Variants in CPNE5 observed in about 807,000 individuals in gnomAD.
CPNE5 encodes the protein copine-5.
CPNE5 carries 42 observed loss-of-function variants against 81.1 expected under a neutral mutation model. The observed-to-expected ratio is 0.52, with a 90% CI of 0.40 to 0.67. The LOEUF (loss-of-function observed/expected upper bound fraction) is 0.67. Among genes scored for constraint, CPNE5 ranks in the 30% least tolerant of loss-of-function variants. The pLI is 0.00. For synonymous variants in CPNE5, 313 were observed against 321.5 expected (o/e 0.97, Z 0.28); for missense variants, 612 against 815.5 (o/e 0.75, Z 3.04).
intron 15 of CPNE5, among the ~76,000 whole-genome samples, chr6:36,747,266 C>G (rs79179956): frequency 0.15 from 22,546 of 151,956 alleles, 1,867 homozygotes; most frequent in Middle Eastern, 0.22. Context: ...CCCCCAGAGC[C>G]CTCTTCGCTG....
intron 1 of CPNE5, among the ~76,000 whole-genome samples, chr6:36,834,206 C>T (rs1773214352): frequency 1.5e-5 from 2 of 129,044 alleles, no homozygotes; most frequent in South Asian, 2.6e-4. Context: ...CTGCATTGAG[C>T]TGTGACTCTA....
chr6:36,757,205 T>G, intron 12 of CPNE5: 1 of 451,248 alleles, frequency 2.2e-6, no homozygotes, highest in Non-Finnish European at 2.9e-6. Flanking sequence ...CAGTTTTTCT[T>G]TGTTTTGTTT....
chr6:36,801,695 G>A (rs567278092), intron 3 of CPNE5, among the ~76,000 whole-genome samples: 2 of 152,264 alleles, frequency 1.3e-5, no homozygotes, highest in East Asian at 3.9e-4. Flanking sequence ...AGTGAAATAA[G>A]CCAGTCACAG....
intron 7 of CPNE5, 133 bp from the exon 8 acceptor site, chr6:36,792,229 G>T: frequency 8.1e-7 from 1 of 1,233,994 alleles, no homozygotes; most frequent in Non-Finnish European, 1.1e-6. Context: ...AAGCCCCTGA[G>T]AAGACAGAGT....
chr6:36,757,883 G>A (rs897215950), intron 12 of CPNE5, among the ~76,000 whole-genome samples: 1 of 152,184 alleles, frequency 6.6e-6, no homozygotes, highest in Non-Finnish European at 1.5e-5. Context: ...TTTGATGGCA[G>A]AACCACAGGG....
At chr6:36,757,101 C>G (rs554309338) in intron 12 of CPNE5, among the ~76,000 whole-genome samples, 2 of 152,294 alleles carry the variant, frequency 1.3e-5, no homozygotes, top group Admixed American at 6.5e-5. Flanking sequence ...AGTGCCAAGG[C>G]CAAGACTGGG....
chr6:36,742,275 T>G lies in CPNE5; in HGVS notation c.1775A>C (p.His592Pro). Residue 592 changes from histidine to proline, a missense_variant, in exon 21 of 21, where the codon CAC (histidine) becomes CCC (proline). Coordinates refer to ENST00000244751, the MANE Select transcript of CPNE5 (RefSeq NM_020939.2). ...TGCCTGCTGAGACCAGGTTCAGATG[T>G]GCGTGTGCAGGGGGGACGCAGGGGG... ...RTPPASPLHT[H>P]I 1 of 1,583,876 alleles carries G rather than the reference T, an allele frequency of 6.3e-7. No individual in the cohort carries two copies. Among genetic ancestry groups the G allele is most frequent in the Non-Finnish European group, 8.6e-7 (1 of 1,166,780 alleles).
chr6:36,754,419 A>C (rs59022372), intron 13 of CPNE5: 2 of 152,102 alleles, frequency 1.3e-5, no homozygotes, highest in Non-Finnish European at 2.9e-5. Flanking sequence ...CCTCGATGCC[A>C]GGTAGAAATG....
chr6:36,748,135 G>T, intron 15 of CPNE5, 86 bp downstream of exon 15: 2 of 1,219,750 alleles, frequency 1.6e-6, no homozygotes, highest in East Asian at 2.3e-5. Flanking sequence ...AGAGTATGAG[G>T]GTCATGGTCC....
chr6:36,757,889 C>T (rs1021325486), intron 12 of CPNE5, among the ~76,000 whole-genome samples: 7 of 152,120 alleles, frequency 4.6e-5, no homozygotes, highest in East Asian at 1.9e-4. Context: ...GGCAGAACCA[C>T]AGGGTGGAAG....
chr6:36,769,676 G>A (rs1228243672), intron 10 of CPNE5, among the ~76,000 whole-genome samples: 2 of 152,170 alleles, frequency 1.3e-5, no homozygotes, highest in African/African-American at 4.8e-5. Context: ...CAGCAATCTC[G>A]GCCCCCAGGT....
chr6:36,796,541 A>G (rs1324281325), intron 6 of CPNE5, among the ~76,000 whole-genome samples: 1 of 152,248 alleles, frequency 6.6e-6, no homozygotes, highest in African/African-American at 2.4e-5. Context: ...TGGGTATGCT[A>G]CACTCAGCAC....
At chr6:36,761,507 G>T (rs1766025748) in intron 12 of CPNE5, among the ~76,000 whole-genome samples, 1 of 152,188 alleles carries the variant, frequency 6.6e-6, no homozygotes, top group Non-Finnish European at 1.5e-5. Context: ...AGGAGTGGGG[G>T]TAGCATGGGA....
At chr6:36,756,109 C>T (rs531753821) in intron 13 of CPNE5, 136 bp downstream of exon 13, 2 of 498,192 alleles carry the variant, frequency 4.0e-6, no homozygotes, top group Non-Finnish European at 3.7e-6. Flanking sequence ...CCCCTCCCCA[C>T]CCCATCTCTC....
intron 10 of CPNE5, among the ~76,000 whole-genome samples, chr6:36,768,709 G>A (rs1210069239): frequency 3.3e-5 from 5 of 152,174 alleles, no homozygotes; most frequent in African/African-American, 1.2e-4. Context: ...ATTGGGTGTG[G>A]GAAAATGAAA....
At chr6:36,752,969 C>T in intron 14 of CPNE5, 65 bp downstream of exon 14, 3 of 1,356,128 alleles carry the variant, frequency 2.2e-6, no homozygotes, top group South Asian at 2.3e-5. Context: ...AGAGCCGGTC[C>T]TGTCGGTGTG....
chr6:36,765,227 G>A, intron 11 of CPNE5, 108 bp downstream of exon 11: 2 of 1,005,310 alleles, frequency 2.0e-6, no homozygotes, highest in South Asian at 1.5e-5. Context: ...CTCACCCCCA[G>A]AGCCACTGCG....
At position 36,839,158 on chromosome 6, in the gene CPNE5, C is replaced by G. The variant is rs1432709793; in HGVS notation, c.95+125G>C. The G allele has an allele frequency of 7.7e-6, 5 of 647,820 alleles. No individual in the cohort carries two copies. The East Asian group carries it at 1.3e-4, about 16-fold the overall frequency. 40.1% of individuals were successfully genotyped at this position (647,820 alleles called of 1,614,324 possible). On this transcript the variant is annotated intron_variant, in intron 1 of 20. Coordinates refer to ENST00000244751, the MANE Select transcript of CPNE5 (RefSeq NM_020939.2). The surrounding 1 kb of genome is among the most constrained non-coding windows in gnomAD (Gnocchi z 7.3). ...GGGGCTCTTGGCAGATCGGCAGGGG[C>G]GCAGTCCTGGAGACCAGGACACTCT...
In CPNE5 at chr6:36,745,446, G is replaced by A. The variant is rs142529265; in HGVS notation, c.1270C>T (p.Arg424Cys). The change falls in exon 17 of 21, where the codon CGC becomes TGC. Residue 424 changes from arginine (R) to cysteine (C), a missense_variant. Coordinates refer to ENST00000244751, the MANE Select transcript of CPNE5 (RefSeq NM_020939.2). Reference sequence around the variant, plus strand: ...GTGGGGCCGTACAGCTGCACAGTGCGCAGGCTGCGGTGGTAGGCCTCCAGG... The same window carrying A: ...GTGGGGCCGTACAGCTGCACAGTGCACAGGCTGCGGTGGTAGGCCTCCAGG... ...GILEAYHRSLRTVQLYGPTNF... is the reference protein window; with the variant it reads ...GILEAYHRSLCTVQLYGPTNF... 9.8e-5 allele frequency: 158 copies of A among 1,604,354 alleles called. No individual in the cohort carries two copies. The highest frequency in any genetic ancestry group is 1.2e-4 in the Non-Finnish European group (142 of 1,176,098).
Sources: gnomAD v4.1 joint callset for allele counts (sites outside exome capture counted in the v4.1 genomes callset) on GRCh38, gnomAD v4.1.1 for gene constraint, Gnocchi (gnomAD v3.1) non-coding constraint, MANE v1.5 for transcripts, NCBI Gene and HGNC (gene_info 2026-07-23, HGNC 2026-07-21) for gene names.